Variants in B4GALT5 observed in about 807,000 individuals in gnomAD.
B4GALT5 encodes UDP-Gal:beta-GlcNAc beta-1,4-galactosyltransferase 5.
In B4GALT5, 11 loss-of-function variants were observed where a neutral mutation model predicts 45.0. That is an observed-to-expected ratio of 0.24 (90% CI 0.15 to 0.40). B4GALT5 has a LOEUF of 0.40. Ranked by LOEUF, B4GALT5 falls within the 10% of genes least tolerant of loss-of-function variation. The probability of loss-of-function intolerance (pLI) is 1.00; values close to 1 mark genes in which losing one functional copy is unlikely to be tolerated. For missense variants in B4GALT5, 337 were observed against 500.2 expected (o/e 0.67, Z 3.11); for synonymous variants, 185 against 182.9 (o/e 1.01, Z -0.09).
intron 3 of B4GALT5, among the ~76,000 whole-genome samples, chr20:49,644,897 T>A (rs373265196): frequency 6.6e-6 from 1 of 152,170 alleles, no homozygotes; most frequent in Non-Finnish European, 1.5e-5. Flanking sequence ...AAATGTAAGA[T>A]TTTCCTTTTC....
intron 1 of B4GALT5, among the ~76,000 whole-genome samples, chr20:49,698,739 T>C (rs1322461635): frequency 1.3e-5 from 2 of 152,178 alleles, no homozygotes; most frequent in African/African-American, 4.8e-5. Context: ...CATCACTACC[T>C]GCCACCCTGT....
rs777645619 is a variant in B4GALT5, at chr20:49,697,571, T to C, written c.115+16005A>G. On this transcript the variant is annotated intron_variant, in intron 1 of 8. Transcript: ENST00000371711. ...TAAGGGATGGCAGAGGAAGGGGACATGTCCTTTTTTTTTTTTTTTTAACAG... is the reference window on the plus strand; with the variant it reads ...TAAGGGATGGCAGAGGAAGGGGACACGTCCTTTTTTTTTTTTTTTTAACAG... 9.5e-5 allele frequency among the ~76,000 whole-genome samples: 13 copies of C among 136,720 alleles called. No individual in the cohort carries two copies. In the East Asian group the frequency reaches 1.7e-3, roughly 18 times the overall value. The allele number at this position is 136,720 out of a possible 152,430, so 89.7% of individuals were successfully genotyped here.
chr20:49,643,953 C>T (rs1329176416), intron 3 of B4GALT5, among the ~76,000 whole-genome samples: 7 of 95,020 alleles, frequency 7.4e-5, no homozygotes, highest in Non-Finnish European at 9.4e-5. Context: ...TTTTTTGAGA[C>T]AGTCTCGCTC....
intron 1 of B4GALT5, among the ~76,000 whole-genome samples, chr20:49,663,569 T>C (rs946887176): frequency 2.7e-4 from 40 of 150,206 alleles, no homozygotes; most frequent in African/African-American, 9.3e-4. Flanking sequence ...CTGGGCATGG[T>C]GGCACACACC....
chr20:49,644,270 G>C (rs894558089), intron 3 of B4GALT5, among the ~76,000 whole-genome samples: 1 of 151,664 alleles, frequency 6.6e-6, no homozygotes, highest in African/African-American at 2.4e-5. Context: ...TTAATAAATA[G>C]AGACAGGGTC....
At position 49,713,721 on chromosome 20, in the gene B4GALT5, G is replaced by C; in HGVS notation, c.-31C>G. The C allele has an allele frequency of 9.9e-7, 1 of 1,010,144 alleles. No homozygotes were observed. The highest frequency in any genetic ancestry group is 1.3e-6 in the Non-Finnish European group (1 of 751,914). 62.6% of individuals were successfully genotyped at this position (1,010,144 alleles called of 1,614,324 possible). ...AGCCAGGCGGCCGCTAGAGAGCCAG[G>C]CCGGGCCTGCTCCCGCAGCTCCCCG... On this transcript the variant is annotated 5_prime_UTR_variant, in exon 1 of 9. Coordinates refer to ENST00000371711, the MANE Select transcript of B4GALT5 (RefSeq NM_004776.4).
At chr20:49,676,539 A>G (rs2085738274) in intron 1 of B4GALT5, among the ~76,000 whole-genome samples, 1 of 152,222 alleles carries the variant, frequency 6.6e-6, no homozygotes, top group South Asian at 2.1e-4. Context: ...AAATAAAGAG[A>G]GGTATGAATG....
At chr20:49,663,690 A>ATATAT (rs1296656944) in intron 1 of B4GALT5, among the ~76,000 whole-genome samples, 7 of 96,946 alleles carry the variant, frequency 7.2e-5, no homozygotes, top group African/African-American at 3.1e-4. Flanking sequence ...AAAAAAAAAA[A>ATATAT]ATATATACAT....
intron 2 of B4GALT5, among the ~76,000 whole-genome samples, chr20:49,651,581 T>G (rs1472398320): frequency 2.0e-5 from 3 of 149,796 alleles, no homozygotes; most frequent in Non-Finnish European, 1.5e-5. Flanking sequence ...AGAGCGAGAC[T>G]CCGTCTCAAA....
chr20:49,709,166 G>C (rs755863876), intron 1 of B4GALT5, among the ~76,000 whole-genome samples: 1 of 152,006 alleles, frequency 6.6e-6, no homozygotes, highest in Non-Finnish European at 1.5e-5. Context: ...ACTGGAGTAC[G>C]GAAGTACTCT....
chr20:49,701,409 C>T (rs1219828932), intron 1 of B4GALT5, among the ~76,000 whole-genome samples: 2 of 152,108 alleles, frequency 1.3e-5, no homozygotes, highest in Non-Finnish European at 2.9e-5. Flanking sequence ...GCAGCTTTTA[C>T]ACGTTAGATT....
rs150270406 is a variant in B4GALT5 at position 49,636,392 on chromosome 20, C to G, written c.1087G>C (p.Ala363Pro). 359 of 1,614,108 alleles carry G rather than the reference C, an allele frequency of 2.2e-4. No individual in the cohort carries two copies. In the African/African-American group the frequency reaches 4.4e-3, roughly 20 times the overall value. ...LDGLNNLNYF[A>P]NITYDALYKN... ...TACAAGGCGTCGTATGTGATGTTTG[C>G]AAAGTAGTTCAGGTTGTTGAGGCCA... is the stretch of plus-strand genomic sequence containing the variant. Residue 363 changes from alanine (A) to proline (P), a missense_variant, in exon 9 of 9, where the codon GCA becomes CCA. By Grantham distance (27) the Ala-to-Pro change is conservative. Transcript: ENST00000371711.
chr20:49,692,360 A>G (rs1402193129), intron 1 of B4GALT5, among the ~76,000 whole-genome samples: 2 of 151,678 alleles, frequency 1.3e-5, no homozygotes, highest in Non-Finnish European at 2.9e-5. Flanking sequence ...CCAACTACTC[A>G]GGAGGCTGAG....
At chr20:49,667,542 C>T (rs550817280) in intron 1 of B4GALT5, among the ~76,000 whole-genome samples, 1 of 151,372 alleles carries the variant, frequency 6.6e-6, no homozygotes, top group Admixed American at 6.6e-5. Flanking sequence ...TGTGAGCCAC[C>T]GCGCCCGGCC....
intron 1 of B4GALT5, among the ~76,000 whole-genome samples, chr20:49,675,172 T>G (rs1232789338): frequency 1.3e-5 from 2 of 152,152 alleles, no homozygotes; most frequent in Admixed American, 1.3e-4. Context: ...TTCCGTGTGT[T>G]CAGTAACATT....
At chr20:49,681,192 C>A (rs8118989) in intron 1 of B4GALT5, among the ~76,000 whole-genome samples, 9 of 124,552 alleles carry the variant, frequency 7.2e-5, no homozygotes, top group African/African-American at 2.8e-4. Context: ...CTCCAGCCTG[C>A]GCAACAGAGC....
At chr20:49,646,331 G>A (rs1002228920) in intron 3 of B4GALT5, among the ~76,000 whole-genome samples, 7 of 152,112 alleles carry the variant, frequency 4.6e-5, no homozygotes, top group Non-Finnish European at 8.8e-5. Flanking sequence ...TTCACTCCAC[G>A]TTCACTCACT....
intron 1 of B4GALT5, chr20:49,684,463 T>C (rs1225279009): frequency 1.1e-5 from 5 of 468,538 alleles, no homozygotes; most frequent in African/African-American, 8.1e-5. Flanking sequence ...CTGGGGAGGC[T>C]GAGACAGCAG....
rs2085586038 is a variant in B4GALT5, at chr20:49,643,592, G to A, written c.423C>T (p.Phe141=). 1.9e-6 allele frequency: 3 copies of A among 1,614,072 alleles called. No individual in the cohort carries two copies. The highest frequency in any genetic ancestry group is 1.1e-5 in the South Asian group (1 of 91,068). ...CGAGCTTGATGGTTGGGTCTTTGGA[G>A]AAGAGTTCATGAATGTAATCCATTC... ...EIGMDYIHEL[F]SKDPTIKLGG... The change falls in exon 4 of 9, where the codon TTC becomes TTT. Residue 141 remains phenylalanine, a synonymous_variant. Coordinates refer to ENST00000371711, the MANE Select transcript of B4GALT5 (RefSeq NM_004776.4).
Sources: allele counts gnomAD v4.1 joint callset (sites outside exome capture counted in the v4.1 genomes callset), GRCh38; gene constraint gnomAD v4.1.1; transcripts MANE v1.5; gene names NCBI Gene and HGNC (gene_info 2026-07-23, HGNC 2026-07-21).